Variants in NWD1 observed in about 807,000 individuals in gnomAD.
NWD1 encodes the protein NACHT and WD repeat domain containing 1.
Under a neutral mutation model 135.1 loss-of-function variants are expected in NWD1, and 129 were observed. The ratio of observed to expected loss-of-function variants is 0.96; its 90% CI spans 0.83 to 1.11. NWD1 has a LOEUF of 1.11. Among genes scored for constraint, NWD1 ranks in the 50% least tolerant of loss-of-function variants. The pLI is 0.00. For missense variants in NWD1, 1,740 were observed against 1,851.3 expected (o/e 0.94, Z 1.10); for synonymous variants, 773 against 786.0 (o/e 0.98, Z 0.28).
intron 11 of NWD1, among the ~76,000 whole-genome samples, chr19:16,777,709 A>G (rs1416831680): frequency 6.7e-5 from 2 of 30,034 alleles, no homozygotes; most frequent in Non-Finnish European, 1.2e-4. Context: ...AAGGGAAGGG[A>G]AGGGGAGGGA....
At chr19:16,796,330 C>T (rs1386727821) in intron 15 of NWD1, among the ~76,000 whole-genome samples, 1 of 152,020 alleles carries the variant, frequency 6.6e-6, no homozygotes, top group Non-Finnish European at 1.5e-5. Context: ...GGCATGGTGG[C>T]AGGCGCCTGT....
intron 17 of NWD1, among the ~76,000 whole-genome samples, chr19:16,800,561 T>C (rs764412072): frequency 6.6e-6 from 1 of 151,954 alleles, no homozygotes; most frequent in Non-Finnish European, 1.5e-5. Flanking sequence ...ATTATCCCCA[T>C]AGACTGGGTG....
intron 12 of NWD1, among the ~76,000 whole-genome samples, chr19:16,784,703 G>A (rs1969978311): frequency 1.3e-5 from 2 of 151,984 alleles, no homozygotes; most frequent in Admixed American, 1.3e-4. Flanking sequence ...GGCCAAGGTG[G>A]GCAGATCACG....
chr19:16,742,149 C>A lies in NWD1; in HGVS notation c.199-2272C>A, dbSNP rs918878866. On this transcript the variant is annotated intron_variant, in intron 4 of 18. Transcript: ENST00000524140. ...CAACACTTTGGGAGGCTGAAGCAGG[C>A]GGATCACCTGAGATCAAGAATTCGA... 8.6e-5 allele frequency among the ~76,000 whole-genome samples: 13 copies of A among 151,826 alleles called. No individual in the cohort carries two copies. The South Asian group carries it at 2.7e-3, about 32-fold the overall frequency.
At chr19:16,783,400 C>G (rs1030896616) in intron 12 of NWD1, among the ~76,000 whole-genome samples, 4 of 151,998 alleles carry the variant, frequency 2.6e-5, no homozygotes, top group Admixed American at 2.6e-4. Context: ...TTTGGGAGGC[C>G]GAGGTGGGTG....
intron 12 of NWD1, among the ~76,000 whole-genome samples, chr19:16,785,637 TATA>T (rs1236539346): frequency 1.3e-5 from 2 of 150,628 alleles, no homozygotes; most frequent in Non-Finnish European, 3.0e-5. Context: ...TATATACACT[TATA>T]TATACATATT....
chr19:16,807,309 C>T (rs1970778174), intron 17 of NWD1, among the ~76,000 whole-genome samples: 2 of 151,962 alleles, frequency 1.3e-5, no homozygotes, highest in South Asian at 4.2e-4. Flanking sequence ...GCCTGGCCAA[C>T]ATGGAGAAAC....
At chr19:16,741,243 C>T (rs1052925124) in intron 4 of NWD1, among the ~76,000 whole-genome samples, 3 of 152,168 alleles carry the variant, frequency 2.0e-5, no homozygotes, top group African/African-American at 7.2e-5. Flanking sequence ...TGTGCCCTTC[C>T]TACAGCAGCC....
chr19:16,780,211 A>C lies in NWD1; in HGVS notation c.2731+746A>C, dbSNP rs990677575. On this transcript the variant is annotated intron_variant, in intron 12 of 18. Coordinates refer to ENST00000524140, the MANE Select transcript of NWD1 (RefSeq NM_001007525.5). ...TGCTCTGTCGCCCAAGCTAGAGTGCAGTGGTGCAATCTCGGCTCACTGTAA... is the reference window on the plus strand; with the variant it reads ...TGCTCTGTCGCCCAAGCTAGAGTGCCGTGGTGCAATCTCGGCTCACTGTAA... 4.0e-5 allele frequency among the ~76,000 whole-genome samples: 6 copies of C among 149,650 alleles called. No individual in the cohort carries two copies. In the Admixed American group the frequency reaches 4.0e-4, roughly 10 times the overall value.
At chr19:16,726,934 C>G (rs1318918655) in intron 2 of NWD1, among the ~76,000 whole-genome samples, 1 of 152,080 alleles carries the variant, frequency 6.6e-6, no homozygotes, top group Non-Finnish European at 1.5e-5. Context: ...TGAATGGTCC[C>G]CAAGTGAGAA....
intron 2 of NWD1, 90 bp from the exon 3 acceptor site, chr19:16,731,102 A>T: frequency 1.4e-6 from 1 of 701,550 alleles, no homozygotes; most frequent in Non-Finnish European, 2.4e-6. Context: ...AAAAAAGACA[A>T]AAGTAAATCA....
rs770739595 is a variant in NWD1, at chr19:16,779,480, G to A, written c.2731+15G>A. On this transcript the variant is annotated intron_variant, in intron 12 of 18. Coordinates refer to ENST00000524140, the MANE Select transcript of NWD1 (RefSeq NM_001007525.5). ...TGGACACACAGGTGAGACTTGGGAA[G>A]TGGGCTTTGTGGTCAGCTTCCATAG... 2.5e-6 allele frequency: 4 copies of A among 1,610,524 alleles called. No homozygotes were observed. The highest frequency in any genetic ancestry group is 3.4e-6 in the Non-Finnish European group (4 of 1,179,450).
At chr19:16,732,006 CAGAAACTCG>C (rs2122703565) in intron 3 of NWD1, among the ~76,000 whole-genome samples, 1 of 151,866 alleles carries the variant, frequency 6.6e-6, no homozygotes, top group East Asian at 2.0e-4. Flanking sequence ...CGCTTGAGGT[CAGAAACTCG>C]AGACTAGCCT....
intron 6 of NWD1, among the ~76,000 whole-genome samples, chr19:16,752,075 C>T (rs1050484930): frequency 1.3e-4 from 20 of 152,176 alleles, no homozygotes; most frequent in African/African-American, 4.8e-4. Flanking sequence ...CACACTCCCT[C>T]CTCTGAGTTT....
intron 2 of NWD1, among the ~76,000 whole-genome samples, chr19:16,727,005 G>A (rs544109908): frequency 6.6e-6 from 1 of 152,244 alleles, no homozygotes; most frequent in South Asian, 2.1e-4. Flanking sequence ...TCGTGGGAGG[G>A]GGTGGGAAGG....
chr19:16,807,674 G>C lies in NWD1; in HGVS notation c.3825G>C (p.Val1275=). The change falls in exon 18 of 19, where the codon GTG becomes GTC. Residue 1275 remains valine (V), a synonymous_variant. Transcript: ENST00000524140. ...GCAAGCTCCTATTTACGGGCCTCGT[G>C]TCGGGGGTCGTCCTTGTGTTCCCCC... The part of the protein sequence containing the change: ...EQRKLLFTGL[V]SGVVLVFPLN... The C allele has an allele frequency of 1.2e-6, 2 of 1,610,166 alleles. No homozygotes were observed. Among genetic ancestry groups the C allele is most frequent in the South Asian group, 2.2e-5 (2 of 90,576 alleles).
rs375960342 is a variant in NWD1, at chr19:16,767,210, C to T, written c.2410+2018C>T. Among the ~76,000 whole-genome samples, 42 of 128,542 alleles carry T rather than the reference C, an allele frequency of 3.3e-4. No individual in the cohort carries two copies. In the East Asian group the frequency reaches 7.1e-3, roughly 22 times the overall value. 84.3% of individuals were successfully genotyped at this position (128,542 alleles called of 152,430 possible). A position where few individuals can be genotyped will look rare whatever the true frequency, so the allele number is the denominator to read the frequency against. ...TTTTTTTTTTGGTGAGACAGAGTCT[C>T]GCTCTGTCGCCCAGGCTGGAGTGCA... On this transcript the variant is annotated intron_variant, in intron 10 of 18. Transcript: ENST00000524140.
intron 10 of NWD1, among the ~76,000 whole-genome samples, chr19:16,771,496 A>G (rs1248688566): frequency 6.6e-6 from 1 of 152,196 alleles, no homozygotes; most frequent in African/African-American, 2.4e-5. Flanking sequence ...AGCATACCAA[A>G]CAACTGGAAT....
In NWD1 at chr19:16,720,734, T is replaced by C. The variant is rs188192227; in HGVS notation, c.-105+441T>C. On this transcript the variant is annotated intron_variant, in intron 1 of 18. Transcript: ENST00000524140. ...ATGCCCGGCTAATTTTTTGTATTTT[T>C]AGTAGAGACGGGGTTTCACCGTGTT... is the stretch of plus-strand genomic sequence containing the variant. Among the ~76,000 whole-genome samples, 1,328 of 152,242 alleles carry C rather than the reference T, an allele frequency of 8.7e-3. 10 individuals are homozygous for C. The highest frequency in any genetic ancestry group is 0.015 in the Admixed American group (236 of 15,266).
Sources: allele counts gnomAD v4.1 joint callset (sites outside exome capture counted in the v4.1 genomes callset), GRCh38; gene constraint gnomAD v4.1.1; transcripts MANE v1.5; gene names NCBI Gene and HGNC (gene_info 2026-07-23, HGNC 2026-07-21).